Variants in PTPN13 observed in about 807,000 individuals in gnomAD.
The protein encoded by PTPN13 is protein tyrosine phosphatase non-receptor type 13.
In PTPN13, 191 loss-of-function variants were observed where a neutral mutation model predicts 284.0. That is an observed-to-expected ratio of 0.67 (90% CI 0.60 to 0.76). The LOEUF is 0.76. Among genes scored for constraint, PTPN13 ranks in the 30% least tolerant of loss-of-function variants. The probability of loss-of-function intolerance (pLI) is 0.00; values close to 1 mark genes in which losing one functional copy is unlikely to be tolerated. For missense variants in PTPN13, 2,797 were observed against 2,939.9 expected (o/e 0.95, Z 1.12); for synonymous variants, 986 against 1,022.3 (o/e 0.96, Z 0.68).
At position 86,732,440 on chromosome 4, in the gene PTPN13, CA is replaced by C. The variant is rs1275405286; in HGVS notation, c.1650del (p.Phe551LeufsTer24). On this transcript the variant is annotated frameshift_variant, in exon 11 of 48. Coordinates refer to ENST00000411767, the MANE Select transcript of PTPN13 (RefSeq NM_080683.3). LOFTEE classifies it high-confidence loss of function. ...GAGTTTGTGAAAATGACAATTGAAC[CA>C]TTTATATCTTTGGATTTGCCACGGT... ...GPEFVKMTIEPFISLDLPRSI... is the reference protein window; with the variant it reads ...GPEFVKMTIEXFISLDLPRSI... 6.2e-7 allele frequency: 1 copy of C among 1,601,052 alleles called. No individual in the cohort carries two copies. The highest frequency in any genetic ancestry group is 8.5e-7 in the Non-Finnish European group (1 of 1,172,850).
chr4:86,768,042 T>C, intron 28 of PTPN13, 66 bp downstream of exon 28: 1 of 1,466,336 alleles, frequency 6.8e-7, no homozygotes, highest in African/African-American at 1.4e-5. Flanking sequence ...ATTTGATTTT[T>C]ACATGTTGGA....
chr4:86,802,924 A>T (rs1176540543), intron 42 of PTPN13, among the ~76,000 whole-genome samples: 1 of 151,672 alleles, frequency 6.6e-6, no homozygotes, highest in African/African-American at 2.4e-5. Context: ...AATACAAAAA[A>T]TTACCCAGGC....
intron 7 of PTPN13, among the ~76,000 whole-genome samples, chr4:86,712,964 C>G (rs991824670): frequency 6.6e-6 from 1 of 151,710 alleles, no homozygotes; most frequent in African/African-American, 2.4e-5. Flanking sequence ...TAAAGTACCA[C>G]CAAAGAATGG....
chr4:86,716,453 G>T, intron 7 of PTPN13, 77 bp from the exon 8 acceptor site: 1 of 876,966 alleles, frequency 1.1e-6, no homozygotes, highest in Non-Finnish European at 1.7e-6. Context: ...AGTCCCACAG[G>T]ATTAAAATTA....
chr4:86,670,927 T>C (rs1727658220), intron 2 of PTPN13, among the ~76,000 whole-genome samples: 1 of 152,218 alleles, frequency 6.6e-6, no homozygotes, highest in African/African-American at 2.4e-5. Flanking sequence ...TTCATTGAAA[T>C]GTATTTGGCA....
intron 1 of PTPN13, among the ~76,000 whole-genome samples, chr4:86,619,208 A>G (rs1263804945): frequency 6.6e-6 from 1 of 152,202 alleles, no homozygotes; most frequent in East Asian, 1.9e-4. Flanking sequence ...GGTGTTCAGA[A>G]GGTTAGGTAT....
At chr4:86,601,867 A>G (rs754280453) in intron 1 of PTPN13, among the ~76,000 whole-genome samples, 11 of 152,126 alleles carry the variant, frequency 7.2e-5, no homozygotes, top group Non-Finnish European at 1.2e-4. Flanking sequence ...TCCCTTTTTA[A>G]TTGTTCCTTA....
At chr4:86,761,150 AT>A (rs1738635320) in intron 23 of PTPN13, among the ~76,000 whole-genome samples, 1 of 143,896 alleles carries the variant, frequency 6.9e-6, no homozygotes, top group South Asian at 2.2e-4. Context: ...ATATATATAT[AT>A]ATATATATAT....
chr4:86,673,205 C>A lies in PTPN13; in HGVS notation c.294+662C>A, dbSNP rs192128537. ...TGGGGCTGGAGGTGGGGGTTGGGGA[C>A]CCCGATCTCTAATATATGGCAGGAT... is the stretch of plus-strand genomic sequence containing the variant. On this transcript the variant is annotated intron_variant, in intron 3 of 47. Transcript: ENST00000411767. Among the ~76,000 whole-genome samples the A allele has an allele frequency of 2.6e-5, 4 of 152,158 alleles. No homozygotes were observed. The East Asian group carries it at 7.7e-4, about 29-fold the overall frequency.
chr4:86,713,585 A>G lies in PTPN13; in HGVS notation c.1196-2945A>G, dbSNP rs144032000. ...CTTGATTTTTCAATTCTAAAACTCA[A>G]TGGTAGTATTATTGATATTTCTGTT... On this transcript the variant is annotated intron_variant, in intron 7 of 47. Transcript: ENST00000411767. Among the ~76,000 whole-genome samples the G allele has an allele frequency of 6.6e-5, 10 of 152,204 alleles. No homozygotes were observed. In the East Asian group the frequency reaches 1.2e-3, roughly 18 times the overall value.
intron 2 of PTPN13, among the ~76,000 whole-genome samples, chr4:86,659,100 T>G (rs1407821981): frequency 6.6e-6 from 1 of 152,100 alleles, no homozygotes; most frequent in Admixed American, 6.5e-5. Flanking sequence ...TATAACAACC[T>G]AGAATAACAT....
intron 20 of PTPN13, among the ~76,000 whole-genome samples, chr4:86,757,494 G>A (rs552472373): frequency 6.6e-6 from 1 of 152,212 alleles, no homozygotes; most frequent in Non-Finnish European, 1.5e-5. Context: ...TTCTGACCAG[G>A]TACCGTGGCT....
At chr4:86,702,304 A>T (rs1401932337) in intron 7 of PTPN13, among the ~76,000 whole-genome samples, 1 of 152,210 alleles carries the variant, frequency 6.6e-6, no homozygotes, top group Admixed American at 6.5e-5. Flanking sequence ...ACTGTAGAAG[A>T]TTATAATTTA....
chr4:86,622,235 C>T (rs980971696), intron 1 of PTPN13, among the ~76,000 whole-genome samples: 9 of 152,218 alleles, frequency 5.9e-5, no homozygotes, highest in Non-Finnish European at 1.2e-4. Flanking sequence ...CTCTGTAAAT[C>T]AGTGTGAACA....
chr4:86,669,058 T>C (rs1727421329), intron 2 of PTPN13, among the ~76,000 whole-genome samples: 1 of 151,736 alleles, frequency 6.6e-6, no homozygotes, highest in African/African-American at 2.4e-5. Context: ...GGCCGTTTCT[T>C]CTTTTTTGAA....
chr4:86,796,806 G>A, intron 40 of PTPN13, 68 bp from the exon 41 acceptor site: 1 of 1,008,620 alleles, frequency 9.9e-7, no homozygotes, highest in South Asian at 1.5e-5. Context: ...TAACTAACAG[G>A]AAAAAAATAG....
At chr4:86,680,401 C>CTATCTA (rs1554306720) in intron 3 of PTPN13, among the ~76,000 whole-genome samples, 1 of 132,820 alleles carries the variant, frequency 7.5e-6, no homozygotes, top group Non-Finnish European at 1.7e-5. Context: ...ATCTATCTAT[C>CTATCTA]TCTATCTCTA....
intron 2 of PTPN13, among the ~76,000 whole-genome samples, chr4:86,648,193 T>C (rs1050978432): frequency 6.6e-6 from 1 of 152,160 alleles, no homozygotes; most frequent in Admixed American, 6.5e-5. Context: ...GGGTTATTCA[T>C]CACCTCAAGC....
intron 2 of PTPN13, among the ~76,000 whole-genome samples, chr4:86,637,560 C>G (rs1220148206): frequency 6.6e-6 from 1 of 151,226 alleles, no homozygotes; most frequent in East Asian, 1.9e-4. Flanking sequence ...AGCATATAAA[C>G]AGAACCAAAG....
Sources: gnomAD v4.1 joint callset for allele counts (sites outside exome capture counted in the v4.1 genomes callset) on GRCh38, gnomAD v4.1.1 for gene constraint, MANE v1.5 for transcripts, NCBI Gene and HGNC (gene_info 2026-07-23, HGNC 2026-07-21) for gene names.